The following ELMO1 variants were observed in gnomAD, a reference collection of about 807,000 sequenced individuals.
The protein encoded by ELMO1 is engulfment and cell motility protein 1.
ELMO1 carries 26 observed loss-of-function variants against 98.9 expected under a neutral mutation model. That is an observed-to-expected ratio of 0.26 (90% CI 0.19 to 0.36). The LOEUF is 0.36. ELMO1 is among the 10% of genes least tolerant of loss of function. The pLI, the probability that ELMO1 is intolerant of heterozygous loss-of-function variation, is 1.00. For missense variants in ELMO1, 627 were observed against 935.2 expected, an observed-to-expected ratio of 0.67 and a Z score of 4.30; for synonymous variants, 346 against 346.0, an observed-to-expected ratio of 1.00 and a Z score of 0.00.
chr7:36,896,234 G>A (rs1331087958), intron 16 of ELMO1, among the ~76,000 whole-genome samples: 1 of 152,146 alleles, frequency 6.6e-6, no homozygotes, highest in Admixed American at 6.5e-5. Context: ...AAAAGATAAG[G>A]AAACCGACTG....
intron 15 of ELMO1, among the ~76,000 whole-genome samples, chr7:37,025,891 T>C (rs1202253048): frequency 1.8e-5 from 2 of 108,596 alleles, no homozygotes; most frequent in Non-Finnish European, 3.9e-5. Context: ...ATATATATTA[T>C]ATATTCTATC....
At chr7:37,345,095 A>C (rs1358104243) in intron 1 of ELMO1, among the ~76,000 whole-genome samples, 1 of 152,240 alleles carries the variant, frequency 6.6e-6, no homozygotes, top group African/African-American at 2.4e-5. Flanking sequence ...GAACCAAAAC[A>C]AAACCGCTAC....
chr7:37,225,939 C>T (rs560966159), intron 8 of ELMO1, among the ~76,000 whole-genome samples: 51 of 152,294 alleles, frequency 3.3e-4, no homozygotes, highest in African/African-American at 1.1e-3. Flanking sequence ...CTTGGTTCCA[C>T]GACAAGTAAA....
At chr7:37,396,487 TAAAA>T (rs1181799652) in intron 1 of ELMO1, among the ~76,000 whole-genome samples, 1 of 152,172 alleles carries the variant, frequency 6.6e-6, no homozygotes, top group Non-Finnish European at 1.5e-5. Flanking sequence ...CTGAAGTAGA[TAAAA>T]AACCTAGGTA....
Position 36,894,860 on chromosome 7 carries a change from G to A in ELMO1, c.1595C>T (p.Pro532Leu), listed in dbSNP as rs1029574627. ...RMNQEDFQSR[P>L]ILELKEKIQP... Reference sequence around the variant, plus strand: ...TCAATACTAGGTAACTTACAAAATCGGGCGGGACTGGAAATCTTCCTGGTT... The same window carrying A: ...TCAATACTAGGTAACTTACAAAATCAGGCGGGACTGGAAATCTTCCTGGTT... Residue 532 changes from proline to leucine, a missense_variant, in exon 17 of 22, where the codon CCG (proline) becomes CTG (leucine). Pro to Leu is a moderately conservative substitution (Grantham distance 98). Transcript: ENST00000310758. 3 of 1,614,116 alleles carry A rather than the reference G, an allele frequency of 1.9e-6. No individual in the cohort carries two copies. Among genetic ancestry groups the A allele is most frequent in the East Asian group, 2.2e-5 (1 of 44,864 alleles).
rs148942464 is a variant in ELMO1 at position 37,329,392 on chromosome 7, C to A, written c.78+13221G>T. 7.3e-3 allele frequency among the ~76,000 whole-genome samples: 1,114 copies of A among 152,220 alleles called. 16 individuals carry two copies. The highest frequency in any genetic ancestry group is 0.026 in the African/African-American group (1,075 of 41,526). On this transcript the variant is annotated intron_variant, in intron 2 of 21. Transcript: ENST00000310758. ...CATACCCATCATCTCAAATATTTAT[C>A]ATTTCTTTGTGGTGAGAATATTTAC...
chr7:37,401,585 C>CA (rs1803529732), intron 1 of ELMO1, among the ~76,000 whole-genome samples: 3 of 152,108 alleles, frequency 2.0e-5, no homozygotes, highest in Non-Finnish European at 4.4e-5. Context: ...ATAATCATGG[C>CA]AGAAGGGGAA....
chr7:36,892,277 G>T (rs79946182), intron 17 of ELMO1, among the ~76,000 whole-genome samples: 1 of 152,156 alleles, frequency 6.6e-6, no homozygotes, highest in Non-Finnish European at 1.5e-5. Flanking sequence ...CCCCAGCCAA[G>T]TTGCTGTCCC....
At chr7:37,240,570 A>AT (rs201888348) in intron 7 of ELMO1, among the ~76,000 whole-genome samples, 47 of 150,814 alleles carry the variant, frequency 3.1e-4, no homozygotes, top group East Asian at 1.6e-3. Context: ...AACTTAGACC[A>AT]TTTTTTTTTA....
intron 15 of ELMO1, among the ~76,000 whole-genome samples, chr7:37,095,613 C>T (rs1055688524): frequency 5.3e-5 from 8 of 152,198 alleles, no homozygotes; most frequent in Admixed American, 3.9e-4. Context: ...CAACCAGGCT[C>T]AATTTCTTAG....
chr7:37,435,016 T>C (rs1805087419), intron 1 of ELMO1: 1 of 152,228 alleles, frequency 6.6e-6, no homozygotes, highest in African/African-American at 2.4e-5. Flanking sequence ...ATTTTTCTCT[T>C]GGAAGGAGGC....
chr7:36,993,307 GGTA>G (rs1791992234), intron 16 of ELMO1, among the ~76,000 whole-genome samples: 1 of 152,158 alleles, frequency 6.6e-6, no homozygotes, highest in African/African-American at 2.4e-5. Flanking sequence ...TTTGGATCTT[GGTA>G]GTAAGTTGGC....
intron 1 of ELMO1, among the ~76,000 whole-genome samples, chr7:37,439,757 T>C (rs567683086): frequency 6.6e-6 from 1 of 152,376 alleles, no homozygotes; most frequent in African/African-American, 2.4e-5. Flanking sequence ...AGTTGGAGAA[T>C]GGACAGTAAT....
intron 16 of ELMO1, among the ~76,000 whole-genome samples, chr7:36,940,579 G>C (rs538398731): frequency 3.9e-5 from 6 of 152,326 alleles, no homozygotes; most frequent in African/African-American, 1.2e-4. Flanking sequence ...TTTCTTTTTG[G>C]AGGGGACATG....
chr7:37,269,138 GTA>G (rs1380340600), intron 5 of ELMO1, among the ~76,000 whole-genome samples: 16 of 152,260 alleles, frequency 1.1e-4, no homozygotes, highest in African/African-American at 3.6e-4. Context: ...GCATATGCAA[GTA>G]TATTTTTCAG....
intron 16 of ELMO1, among the ~76,000 whole-genome samples, chr7:37,003,523 G>A (rs1228086391): frequency 3.3e-5 from 5 of 152,190 alleles, no homozygotes; most frequent in Non-Finnish European, 5.9e-5. Context: ...GAGGGTCAGT[G>A]TGTGGGTTGA....
rs1310601781 is a variant in ELMO1 at position 36,861,653 on chromosome 7, C to A, written c.1983+6G>T. 6 of 1,612,730 alleles carry A rather than the reference C, an allele frequency of 3.7e-6. No individual in the cohort carries two copies. The highest frequency in any genetic ancestry group is 1.1e-5 in the South Asian group (1 of 90,972). The stretch of plus-strand genomic sequence containing the variant: ...TCTCATAAATTATCACCCCCGAGAC[C>A]CTTACCTCATGCTTGTCAGGAGCGA... On this transcript the variant is annotated splice_donor_region_variant and intron_variant, in intron 21 of 21. Transcript: ENST00000310758.
chr7:37,106,223 T>C (rs28415399), intron 14 of ELMO1, among the ~76,000 whole-genome samples: 9,863 of 152,208 alleles, frequency 0.065, 630 homozygotes, highest in African/African-American at 0.17. Context: ...GTTTGAATGA[T>C]GGTGCCCCTT....
chr7:36,952,733 C>T (rs1788071881), intron 16 of ELMO1, among the ~76,000 whole-genome samples: 1 of 152,038 alleles, frequency 6.6e-6, no homozygotes, highest in African/African-American at 2.4e-5. Flanking sequence ...ATCACAGAGT[C>T]TCAAGAGAGG....
Sources: allele counts gnomAD v4.1 joint callset (sites outside exome capture counted in the v4.1 genomes callset), GRCh38; gene constraint gnomAD v4.1.1; transcripts MANE v1.5; gene names NCBI Gene and HGNC (gene_info 2026-07-23, HGNC 2026-07-21).